Variants in ATG7 observed in about 807,000 individuals in gnomAD.
The protein encoded by ATG7 is autophagy related 7.
Under a neutral mutation model 82.4 loss-of-function variants are expected in ATG7, and 70 were observed. The observed-to-expected ratio is 0.85, with a 90% confidence interval of 0.70 to 1.04. The LOEUF (loss-of-function observed/expected upper bound fraction) is 1.04, where lower values mean the gene tolerates loss of function less well. Among genes scored for constraint, ATG7 ranks in the 50% least tolerant of loss-of-function variants. ATG7 has a pLI of 0.00. For synonymous variants in ATG7, 287 were observed against 313.0 expected, an observed-to-expected ratio of 0.92 and a Z score of 0.88; for missense variants, 792 against 864.3, an observed-to-expected ratio of 0.92 and a Z score of 1.05.
At chr3:11,429,642 T>G (rs2082686105) in intron 20 of ATG7, among the ~76,000 whole-genome samples, 2 of 151,228 alleles carry the variant, frequency 1.3e-5, no homozygotes. Flanking sequence ...GATATAAAAT[T>G]TAAAGGTATT....
At position 11,397,011 on chromosome 3, in the gene ATG7, G is replaced by T. The variant is rs138766562; in HGVS notation, c.1956+16959G>T. On this transcript the variant is annotated intron_variant, in intron 19 of 20. Coordinates refer to ENST00000693202, the MANE Select transcript of ATG7 (RefSeq NM_001349232.2). The stretch of plus-strand genomic sequence containing the variant: ...TAAAAATGAAAAAATTGAAAAAGAT[G>T]ATTTAAAGGAAGAAAAAAACAAGTA... Among the ~76,000 whole-genome samples, 740 of 152,026 alleles carry T rather than the reference G, an allele frequency of 4.9e-3. 7 individuals are homozygous for T. Among genetic ancestry groups the T allele is most frequent in the African/African-American group, 0.017 (709 of 41,460 alleles).
intron 20 of ATG7, chr3:11,477,264 A>T: frequency 7.9e-7 from 1 of 1,259,550 alleles, no homozygotes; most frequent in Middle Eastern, 2.2e-4. Context: ...GCTTTGTTCC[A>T]TAAGGTAGAT....
At chr3:11,399,248 T>A (rs947847258) in intron 19 of ATG7, among the ~76,000 whole-genome samples, 6 of 152,162 alleles carry the variant, frequency 3.9e-5, no homozygotes, top group Non-Finnish European at 8.8e-5. Context: ...CTCAGGAGGC[T>A]GAGGCAGGAG....
chr3:11,517,340 A>C (rs934632618), intron 20 of ATG7, among the ~76,000 whole-genome samples: 5 of 98,506 alleles, frequency 5.1e-5, no homozygotes, highest in Admixed American at 9.9e-5. Context: ...ACTCCACCTC[A>C]AAAAAAAAAA....
Position 11,362,899 on chromosome 3 carries a change from G to C in ATG7, c.1770G>C (p.Leu590Phe). Residue 590 changes from leucine to phenylalanine, a missense_variant, in exon 17 of 21, where the codon TTG (leucine) becomes TTC (phenylalanine). Coordinates refer to ENST00000693202, the MANE Select transcript of ATG7 (RefSeq NM_001349232.2). ...AVIAGALAVE[L>F]MVSVLQHPEG... Reference sequence around the variant, plus strand: ...TTGCAGGAGCCCTGGCCGTGGAATTGATGGTATCTGTTTTGCAGCATCCAG... The same window carrying C: ...TTGCAGGAGCCCTGGCCGTGGAATTCATGGTATCTGTTTTGCAGCATCCAG... 1 of 1,613,992 alleles carries C rather than the reference G, an allele frequency of 6.2e-7. No individual in the cohort carries two copies. Among genetic ancestry groups the C allele is most frequent in the Non-Finnish European group, 8.5e-7 (1 of 1,179,946 alleles).
In ATG7 at chr3:11,427,865, G is replaced by T. The variant is rs559829916; in HGVS notation, c.2079+939G>T. ...TTTTTCCAAATGCTCGCTGTTCTTA[G>T]AAAAGGGAATGCTGTGTATGGTGGT... On this transcript the variant is annotated intron_variant, in intron 20 of 20. Coordinates refer to ENST00000693202, the MANE Select transcript of ATG7 (RefSeq NM_001349232.2). 2.0e-5 allele frequency among the ~76,000 whole-genome samples: 3 copies of T among 152,052 alleles called. No individual in the cohort carries two copies. In the South Asian group the frequency reaches 6.2e-4, roughly 32 times the overall value.
intron 20 of ATG7, among the ~76,000 whole-genome samples, chr3:11,504,454 G>T (rs1418870295): frequency 6.6e-6 from 1 of 151,882 alleles, no homozygotes; most frequent in Admixed American, 6.5e-5. Context: ...ATGGAATATA[G>T]GGAATGGGAG....
intron 19 of ATG7, among the ~76,000 whole-genome samples, chr3:11,418,589 T>C (rs2081633484): frequency 6.6e-6 from 1 of 152,188 alleles, no homozygotes; most frequent in African/African-American, 2.4e-5. Flanking sequence ...TGTCCACACC[T>C]AGCAATTTTT....
At chr3:11,515,441 T>G (rs2092246842) in intron 20 of ATG7, among the ~76,000 whole-genome samples, 1 of 152,192 alleles carries the variant, frequency 6.6e-6, no homozygotes, top group South Asian at 2.1e-4. Context: ...GTAGCTGGGA[T>G]TACAGGCCCG....
At chr3:11,283,239 C>T (rs1943371803) in intron 3 of ATG7, among the ~76,000 whole-genome samples, 1 of 152,080 alleles carries the variant, frequency 6.6e-6, no homozygotes, top group Admixed American at 6.5e-5. Flanking sequence ...GGGAGGTAGG[C>T]TTTAAATGAG....
At chr3:11,299,480 C>G in intron 5 of ATG7, 64 bp downstream of exon 5, 3 of 1,507,526 alleles carry the variant, frequency 2.0e-6, no homozygotes, top group Non-Finnish European at 2.8e-6. Flanking sequence ...AATAAGCATG[C>G]TTGCCTCCCT....
At position 11,554,474 on chromosome 3, in the gene ATG7, G is replaced by A. The variant is rs560288558; in HGVS notation, c.2080-337G>A. On this transcript the variant is annotated intron_variant, in intron 20 of 20. Transcript: ENST00000693202. ...CCACAAGGAGAACAAGCTGGCTTGG[G>A]GTGGGGGTGAGTGCTGCAGAAGCCA... Among the ~76,000 whole-genome samples the A allele has an allele frequency of 1.1e-4, 16 of 152,310 alleles. No homozygotes were observed. The East Asian group carries it at 2.7e-3, about 26-fold the overall frequency.
intron 18 of ATG7, among the ~76,000 whole-genome samples, chr3:11,379,649 C>G (rs539086243): frequency 3.3e-5 from 5 of 152,158 alleles, no homozygotes; most frequent in African/African-American, 1.2e-4. Context: ...ACCTGTTCAA[C>G]ATTTTGGAAG....
chr3:11,369,999 G>A (rs1395086083), intron 18 of ATG7, among the ~76,000 whole-genome samples: 1 of 151,062 alleles, frequency 6.6e-6, no homozygotes, highest in Non-Finnish European at 1.5e-5. Flanking sequence ...CCTTGGGCAC[G>A]TTACGTATCT....
At position 11,555,350 on chromosome 3, in the gene ATG7, G is replaced by GGGAGGA. The variant is rs1187426751; in HGVS notation, c.*515_*520dup. Reference sequence around the variant, plus strand: ...CACTGCACCCTGGCCCTGGTGGAGCGGGAGGAGGAGGAGAGCCGAGCTGGG... The same window carrying GGGAGGA: ...CACTGCACCCTGGCCCTGGTGGAGCGGGAGGAGGAGGAGGAGGAGAGCCGAGCTGGG... On this transcript the variant is annotated 3_prime_UTR_variant, in exon 21 of 21. Transcript: ENST00000693202. 1 of 155,802 alleles carries GGGAGGA rather than the reference G, an allele frequency of 6.4e-6. No homozygotes were observed. The highest frequency in any genetic ancestry group is 1.4e-5 in the Non-Finnish European group (1 of 70,626). The allele number at this position is 155,802 out of a possible 1,614,324, so 9.7% of individuals were successfully genotyped here.
At chr3:11,302,572 G>C (rs1207884291) in intron 5 of ATG7, among the ~76,000 whole-genome samples, 1 of 152,208 alleles carries the variant, frequency 6.6e-6, no homozygotes, top group Non-Finnish European at 1.5e-5. Context: ...ATGAGAGAGA[G>C]AAGTAGAAGG....
intron 19 of ATG7, among the ~76,000 whole-genome samples, chr3:11,416,423 T>C (rs2081378743): frequency 6.6e-6 from 1 of 152,174 alleles, no homozygotes; most frequent in Non-Finnish European, 1.5e-5. Flanking sequence ...TTTTTTCTTA[T>C]TTGAGTTTTG....
At chr3:11,273,913 C>T (rs926806607) in intron 1 of ATG7, among the ~76,000 whole-genome samples, 1 of 152,004 alleles carries the variant, frequency 6.6e-6, no homozygotes, top group Non-Finnish European at 1.5e-5. Context: ...GAGGAAGTGA[C>T]CTAACACTTG....
intron 20 of ATG7, among the ~76,000 whole-genome samples, chr3:11,554,183 G>A (rs955905063): frequency 6.6e-6 from 1 of 152,238 alleles, no homozygotes; most frequent in African/African-American, 2.4e-5. Context: ...GGTTCACTGC[G>A]AGGCTCAGAC....
Sources: gnomAD v4.1 joint callset for allele counts (sites outside exome capture counted in the v4.1 genomes callset) on GRCh38, gnomAD v4.1.1 for gene constraint, MANE v1.5 for transcripts, NCBI Gene and HGNC (gene_info 2026-07-23, HGNC 2026-07-21) for gene names.